ARAP2: variants seen among roughly 807,000 people sequenced by gnomAD.
ARAP2 encodes the protein arf-GAP with Rho-GAP domain, ANK repeat and PH domain-containing protein 2.
Under a neutral mutation model 194.5 loss-of-function variants are expected in ARAP2, and 148 were observed. That is an observed-to-expected ratio of 0.76 (90% CI 0.67 to 0.87). ARAP2 has a LOEUF of 0.87. Among genes scored for constraint, ARAP2 ranks in the 40% least tolerant of loss-of-function variants. The probability of loss-of-function intolerance (pLI) is 0.00; values close to 1 mark genes in which losing one functional copy is unlikely to be tolerated. For missense variants in ARAP2, 2,128 were observed against 1,989.7 expected (o/e 1.07, Z -1.32); for synonymous variants, 695 against 683.5 (o/e 1.02, Z -0.26).
chr4:36,205,695 T>C (rs1050218683), intron 6 of ARAP2, among the ~76,000 whole-genome samples: 3 of 152,092 alleles, frequency 2.0e-5, no homozygotes, highest in African/African-American at 4.8e-5. Flanking sequence ...ACAGAGATAG[T>C]CTTGACCTCA....
At chr4:36,142,018 C>A (rs1270513689) in intron 19 of ARAP2, among the ~76,000 whole-genome samples, 5 of 151,668 alleles carry the variant, frequency 3.3e-5, no homozygotes, top group African/African-American at 1.2e-4. Flanking sequence ...ACAATCACAG[C>A]TATAATTAAC....
chr4:36,190,829 T>C (rs1236121909), intron 7 of ARAP2, among the ~76,000 whole-genome samples: 1 of 152,204 alleles, frequency 6.6e-6, no homozygotes, highest in Non-Finnish European at 1.5e-5. Context: ...CAGTTTCCCA[T>C]AGTGTATACT....
chr4:36,010,199 T>C (rs886619433), intron 9 of ARAP2, among the ~76,000 whole-genome samples: 6 of 151,222 alleles, frequency 4.0e-5, no homozygotes, highest in African/African-American at 1.5e-4. Context: ...TAACATGCTA[T>C]ATATTGTATT....
At chr4:36,058,760 G>A (rs1055602569) in intron 1 of ARAP2, among the ~76,000 whole-genome samples, 1 of 152,174 alleles carries the variant, frequency 6.6e-6, no homozygotes, top group African/African-American at 2.4e-5. Flanking sequence ...GTTAATCTAA[G>A]ACTTTGCATT....
rs1754192091 is a variant in ARAP2, at chr4:36,244,239, C to T, written c.-220G>A. The stretch of plus-strand genomic sequence containing the variant: ...GAGGCGGCGCTGGGAAGCTCAGCGC[C>T]GGCGTCTCTCCCAGCCTTGGGCGCT... On this transcript the variant is annotated 5_prime_UTR_variant, in exon 1 of 33. Coordinates refer to ENST00000303965, the MANE Select transcript of ARAP2 (RefSeq NM_015230.4). 1 of 151,972 alleles carries T rather than the reference C, an allele frequency of 6.6e-6. No individual in the cohort carries two copies. The highest frequency in any genetic ancestry group is 1.5e-5 in the Non-Finnish European group (1 of 67,940). The allele number at this position is 151,972 out of a possible 1,614,324, so 9.4% of individuals were successfully genotyped here.
intron 28 of ARAP2, among the ~76,000 whole-genome samples, chr4:36,090,685 T>C (rs1387242672): frequency 6.6e-6 from 1 of 152,116 alleles, no homozygotes; most frequent in Non-Finnish European, 1.5e-5. Flanking sequence ...CGCATGTTCT[T>C]ACTTACAAGT....
intron 5 of ARAP2, among the ~76,000 whole-genome samples, chr4:36,020,874 C>T (rs1716811068): frequency 6.6e-6 from 1 of 152,060 alleles, no homozygotes; most frequent in South Asian, 2.1e-4. Flanking sequence ...CTTGGTAGTG[C>T]TAACAAAGTT....
intron 6 of ARAP2, among the ~76,000 whole-genome samples, chr4:36,017,586 A>AAAAAAAAAAAAAAAC: frequency 6.7e-6 from 1 of 150,256 alleles, no homozygotes; most frequent in Non-Finnish European, 1.5e-5. Flanking sequence ...AAAAAAAAAA[A>AAAAAAAAAAAAAAAC]AGCTTTCTGT....
At chr4:36,233,289 T>C (rs1467631918) in intron 1 of ARAP2, among the ~76,000 whole-genome samples, 15 of 152,170 alleles carry the variant, frequency 9.9e-5, no homozygotes, top group Admixed American at 9.8e-4. Flanking sequence ...TGTTTTGACC[T>C]CCAATTGCAG....
intron 12 of ARAP2, among the ~76,000 whole-genome samples, chr4:36,161,138 C>A (rs930138276): frequency 2.0e-5 from 2 of 101,872 alleles, no homozygotes; most frequent in Non-Finnish European, 3.7e-5. Context: ...TTAAAACACA[C>A]ACACACAAAC....
chr4:36,204,689 T>C (rs943886330), intron 6 of ARAP2, among the ~76,000 whole-genome samples: 1 of 152,096 alleles, frequency 6.6e-6, no homozygotes, highest in Admixed American at 6.5e-5. Context: ...TGAGTACACA[T>C]ATTAAAAATT....
rs538416428 is a variant in ARAP2, at chr4:36,229,039, TAGG to T, written c.445_447del (p.Pro149del). Reference sequence around the variant, plus strand: ...TCCTCTGCAGTGGGGAAGTCGCGTTTAGGAGGAGACAGCTTATCATCTGATTGA... The same window carrying T: ...TCCTCTGCAGTGGGGAAGTCGCGTTTAGGAGACAGCTTATCATCTGATTGA... On this transcript the variant is annotated inframe_deletion, in exon 2 of 33. Coordinates refer to ENST00000303965, the MANE Select transcript of ARAP2 (RefSeq NM_015230.4). The T allele has an allele frequency of 2.5e-6, 4 of 1,614,010 alleles. No homozygotes were observed. Among genetic ancestry groups the T allele is most frequent in the Non-Finnish European group, 3.4e-6 (4 of 1,180,018 alleles).
At chr4:36,202,424 G>A (rs1744560729) in intron 6 of ARAP2, among the ~76,000 whole-genome samples, 1 of 149,776 alleles carries the variant, frequency 6.7e-6, no homozygotes, top group Non-Finnish European at 1.5e-5. Flanking sequence ...GCCAAAAAAC[G>A]AAAATAAAAC....
chr4:36,160,104 T>A, intron 13 of ARAP2: 1 of 994,444 alleles, frequency 1.0e-6, no homozygotes, highest in Non-Finnish European at 1.2e-6. Context: ...ATCCTTTTTT[T>A]TTCTTTTGCC....
intron 2 of ARAP2, among the ~76,000 whole-genome samples, chr4:36,216,907 A>C (rs1419307422): frequency 6.6e-6 from 1 of 152,236 alleles, no homozygotes; most frequent in Non-Finnish European, 1.5e-5. Flanking sequence ...GAGTGTACTT[A>C]CATAAACCTA....
intron 1 of ARAP2, among the ~76,000 whole-genome samples, chr4:36,234,781 T>C (rs1002421793): frequency 6.6e-6 from 1 of 152,192 alleles, no homozygotes; most frequent in Non-Finnish European, 1.5e-5. Flanking sequence ...AGTGTTGCCA[T>C]TATCACTATT....
At chr4:36,048,018 T>C (rs768073866) in intron 3 of ARAP2, among the ~76,000 whole-genome samples, 10 of 152,196 alleles carry the variant, frequency 6.6e-5, no homozygotes, top group Non-Finnish European at 1.2e-4. Context: ...CTGAATGCAA[T>C]GGGAATCAGA....
At chr4:36,113,670 T>C (rs1023707576) in intron 26 of ARAP2, among the ~76,000 whole-genome samples, 4 of 151,920 alleles carry the variant, frequency 2.6e-5, no homozygotes, top group Admixed American at 6.6e-5. Flanking sequence ...CACTTGACTG[T>C]TGGGGTAGTC....
At chr4:36,165,831 T>C (rs1359523070) in intron 10 of ARAP2, among the ~76,000 whole-genome samples, 1 of 152,180 alleles carries the variant, frequency 6.6e-6, no homozygotes, top group Non-Finnish European at 1.5e-5. Context: ...ACTTGGTCAA[T>C]GACCCACAAA....
Sources: allele counts gnomAD v4.1 joint callset (sites outside exome capture counted in the v4.1 genomes callset), GRCh38; gene constraint gnomAD v4.1.1; transcripts MANE v1.5; gene names NCBI Gene and HGNC (gene_info 2026-07-23, HGNC 2026-07-21).